AFM: variants seen among roughly 807,000 people sequenced by gnomAD.
AFM encodes afamin.
AFM carries 82 observed loss-of-function variants against 68.7 expected under a neutral mutation model. That is an observed-to-expected ratio of 1.19 (90% CI 1.00 to 1.43). The LOEUF (loss-of-function observed/expected upper bound fraction) is 1.43, where lower values mean the gene tolerates loss of function less well. AFM is among the 40% of genes most tolerant of loss of function. AFM has a pLI of 0.00. For synonymous variants in AFM, 250 were observed against 234.2 expected (o/e 1.07, Z -0.61); for missense variants, 772 against 701.8 (o/e 1.10, Z -1.13).
In AFM at chr4:73,492,041, A is replaced by G; in HGVS notation, c.1013A>G (p.Asn338Ser). 1.9e-6 allele frequency: 3 copies of G among 1,613,248 alleles called. No homozygotes were observed. Among genetic ancestry groups the G allele is most frequent in the Non-Finnish European group, 2.5e-6 (3 of 1,179,804 alleles). Residue 338 changes from asparagine to serine, a missense_variant, in exon 8 of 15, where the codon AAT becomes AGT. Coordinates refer to ENST00000226355, the MANE Select transcript of AFM (RefSeq NM_001133.2). ...GAAGGAAAATTTACTGACAGTGAAAATGTGTGTCAAGAACGAGATGCTGAC... is the reference window on the plus strand; with the variant it reads ...GAAGGAAAATTTACTGACAGTGAAAGTGTGTGTCAAGAACGAGATGCTGAC... Reference protein sequence around the residue: ...LREGKFTDSENVCQERDADPD... With the variant: ...LREGKFTDSESVCQERDADPD...
At position 73,491,894 on chromosome 4, in the gene AFM, G is replaced by A; in HGVS notation, c.866G>A (p.Cys289Tyr). 6.2e-7 allele frequency: 1 copy of A among 1,613,592 alleles called. No individual in the cohort carries two copies. The highest frequency in any genetic ancestry group is 1.1e-5 in the South Asian group (1 of 90,970). ...RDTSKVMNHI[C>Y]SKQDSISSKI... is the part of the protein sequence containing the mutation. ...CAGAGCAAGGTTATGAACCATATTT[G>A]TTCAAAACAAGATTCTATCTCCAGC... The change falls in exon 8 of 15, where the codon TGT becomes TAT. Residue 289 changes from cysteine (C) to tyrosine (Y), a missense_variant. Transcript: ENST00000226355.
rs1577978963 is a variant in AFM, at chr4:73,495,393, C to T, written c.1152C>T (p.Cys384=). The change falls in exon 9 of 15, where the codon TGC becomes TGT. Residue 384 remains cysteine, a synonymous_variant. Transcript: ENST00000226355. ...TATACAAAGATCTCCTGAGAAATTG[C>T]TGCAACACAGAAAACCCTCCAGGTT... ...VQIYKDLLRN[C]CNTENPPGCY... The T allele has an allele frequency of 1.2e-6, 2 of 1,613,146 alleles. No homozygotes were observed. Among genetic ancestry groups the T allele is most frequent in the Non-Finnish European group, 1.7e-6 (2 of 1,179,638 alleles).
At chr4:73,498,423 C>G (rs1721318790) in intron 10 of AFM, among the ~76,000 whole-genome samples, 1 of 152,028 alleles carries the variant, frequency 6.6e-6, no homozygotes, top group Non-Finnish European at 1.5e-5. Context: ...GTAGCTAGGG[C>G]TACAGACGTG....
intron 10 of AFM, among the ~76,000 whole-genome samples, chr4:73,498,086 T>G (rs955792955): frequency 3.3e-5 from 5 of 152,206 alleles, no homozygotes; most frequent in African/African-American, 1.2e-4. Flanking sequence ...CATTACAGTT[T>G]CTTTGGGGAA....
chr4:73,502,069 C>T (rs140897222), intron 13 of AFM, 150 bp downstream of exon 13: 1 of 877,032 alleles, frequency 1.1e-6, no homozygotes, highest in East Asian at 2.7e-5. Context: ...ATGTAGACAT[C>T]TCTGAAATAC....
intron 4 of AFM, among the ~76,000 whole-genome samples, chr4:73,486,459 G>A (rs538098693): frequency 6.6e-6 from 1 of 152,262 alleles, no homozygotes; most frequent in East Asian, 1.9e-4. Context: ...TTTTAATATA[G>A]TGCTGTCATT....
chr4:73,484,499 T>C lies in AFM; in HGVS notation c.270+109T>C, dbSNP rs981407506. 7.1e-5 allele frequency: 47 copies of C among 658,616 alleles called. No individual in the cohort carries two copies. The African/African-American group carries it at 1.0e-3, about 14-fold the overall frequency. 40.8% of individuals were successfully genotyped at this position (658,616 alleles called of 1,614,324 possible). ...CTTTCTTTCTTTCTTTCTTTCTTTC[T>C]TTCTTTCATTCTTTCTTTCTTCTTT... On this transcript the variant is annotated intron_variant, in intron 3 of 14. Coordinates refer to ENST00000226355, the MANE Select transcript of AFM (RefSeq NM_001133.2).
chr4:73,485,715 G>GAAGGGA, intron 3 of AFM, 147 bp from the exon 4 acceptor site: 1 of 599,922 alleles, frequency 1.7e-6, no homozygotes, highest in South Asian at 2.3e-5. Flanking sequence ...AGGAGAAGGG[G>GAAGGGA]AAGGGGAAGG....
At chr4:73,483,594 A>G (rs1278584100) in intron 1 of AFM, among the ~76,000 whole-genome samples, 1 of 152,222 alleles carries the variant, frequency 6.6e-6, no homozygotes, top group African/African-American at 2.4e-5. Context: ...CCATTAGTTA[A>G]TCTTCATATC....
intron 9 of AFM, among the ~76,000 whole-genome samples, chr4:73,496,370 C>T (rs1334161984): frequency 1.3e-5 from 2 of 152,088 alleles, no homozygotes; most frequent in Non-Finnish European, 2.9e-5. Context: ...GTGTTTTTCA[C>T]TTTGTAAGTG....
At chr4:73,501,165 A>G (rs181465730) in intron 12 of AFM, among the ~76,000 whole-genome samples, 189 of 152,260 alleles carry the variant, frequency 1.2e-3, no homozygotes, top group African/African-American at 4.1e-3. Context: ...AGAATTTACT[A>G]GAAAATAAGG....
intron 9 of AFM, among the ~76,000 whole-genome samples, chr4:73,496,889 A>T (rs1245928300): frequency 6.6e-6 from 1 of 151,852 alleles, no homozygotes; most frequent in Non-Finnish European, 1.5e-5. Context: ...TTAGCAAAAC[A>T]TTTTTTTTCA....
At chr4:73,493,729 A>G (rs1183063035) in intron 8 of AFM, among the ~76,000 whole-genome samples, 2 of 152,204 alleles carry the variant, frequency 1.3e-5, no homozygotes, top group African/African-American at 4.8e-5. Flanking sequence ...TGTGGCTCCA[A>G]ACTCCTAGTC....
chr4:73,491,956 C>T lies in AFM; in HGVS notation c.928C>T (p.Arg310Cys), dbSNP rs536766988. 5.0e-5 allele frequency: 81 copies of T among 1,613,828 alleles called. No homozygotes were observed. The highest frequency in any genetic ancestry group is 5.9e-5 in the Non-Finnish European group (70 of 1,179,856). The change falls in exon 8 of 15, where the codon CGC becomes TGC. Residue 310 changes from arginine (R) to cysteine (C), a missense_variant. Arg to Cys is a radical substitution (Grantham distance 180, BLOSUM62 -3). Transcript: ENST00000226355. ...GTGCTGTGAAAAGAAAATACCAGAGCGCGGCCAGTGCATAATTAACTCAAA... is the reference window on the plus strand; with the variant it reads ...GTGCTGTGAAAAGAAAATACCAGAGTGCGGCCAGTGCATAATTAACTCAAA... The part of the protein sequence containing the change: ...KECCEKKIPE[R>C]GQCIINSNKD...
At chr4:73,487,885 A>T (rs2149343752) in intron 6 of AFM, 64 bp downstream of exon 6, 1 of 1,173,526 alleles carries the variant, frequency 8.5e-7, no homozygotes, top group South Asian at 1.3e-5. Context: ...CATTTTTGTT[A>T]AATGGTTGAT....
At chr4:73,493,264 A>G (rs1003620021) in intron 8 of AFM, among the ~76,000 whole-genome samples, 1 of 152,212 alleles carries the variant, frequency 6.6e-6, no homozygotes, top group Non-Finnish European at 1.5e-5. Context: ...TGGAAGAATG[A>G]GGAAGGACAA....
At chr4:73,483,877 T>A (rs1483420907) in intron 1 of AFM, 64 bp from the exon 2 acceptor site, 46 of 1,339,600 alleles carry the variant, frequency 3.4e-5, no homozygotes, top group Non-Finnish European at 4.4e-5. Flanking sequence ...CCATGTATAG[T>A]TATTTATTTG....
chr4:73,482,816 T>G (rs193053407), intron 1 of AFM, among the ~76,000 whole-genome samples: 41 of 152,298 alleles, frequency 2.7e-4, no homozygotes, highest in African/African-American at 8.2e-4. Context: ...CTTTTTCTAT[T>G]TGTCTGGCAC....
intron 5 of AFM, 143 bp from the exon 6 acceptor site, chr4:73,487,581 A>G: frequency 1.6e-6 from 1 of 613,548 alleles, no homozygotes; most frequent in South Asian, 2.0e-5. Context: ...TTCTTTTAAT[A>G]TGTGTGTTTA....
Sources: gnomAD v4.1 joint callset for allele counts (sites outside exome capture counted in the v4.1 genomes callset) on GRCh38, gnomAD v4.1.1 for gene constraint, MANE v1.5 for transcripts, NCBI Gene and HGNC (gene_info 2026-07-23, HGNC 2026-07-21) for gene names.